CACNA2D3: variants seen among roughly 807,000 people sequenced by gnomAD.
The protein encoded by CACNA2D3 is calcium voltage-gated channel auxiliary subunit alpha2delta 3.
A neutral mutation model predicts 160.6 loss-of-function variants in CACNA2D3; 60 were observed. The ratio of observed to expected loss-of-function variants is 0.37; its 90% CI spans 0.30 to 0.46. The LOEUF (loss-of-function observed/expected upper bound fraction) is 0.46, where lower values mean the gene tolerates loss of function less well. Among genes scored for constraint, CACNA2D3 ranks in the 20% least tolerant of loss-of-function variants. The pLI, the probability that CACNA2D3 is intolerant of heterozygous loss-of-function variation, is 1.00. For synonymous variants in CACNA2D3, 558 were observed against 492.9 expected, an observed-to-expected ratio of 1.13 and a Z score of -1.75; for missense variants, 1,205 against 1,365.0, an observed-to-expected ratio of 0.88 and a Z score of 1.85.
chr3:54,910,121 C>T (rs1345496789), intron 27 of CACNA2D3, among the ~76,000 whole-genome samples: 1 of 152,160 alleles, frequency 6.6e-6, no homozygotes, highest in Non-Finnish European at 1.5e-5. Context: ...GCCTGAATGT[C>T]ATGGTCACCT....
intron 2 of CACNA2D3, among the ~76,000 whole-genome samples, chr3:54,130,870 G>C (rs1209495613): frequency 6.6e-6 from 1 of 152,212 alleles, no homozygotes; most frequent in Non-Finnish European, 1.5e-5. Context: ...CATAGCCTTG[G>C]AGTCAGATGG....
chr3:54,684,887 A>T (rs1022555714), intron 11 of CACNA2D3, among the ~76,000 whole-genome samples: 2 of 152,102 alleles, frequency 1.3e-5, no homozygotes, highest in Non-Finnish European at 2.9e-5. Flanking sequence ...AGGGTCTACA[A>T]AGTCGCCTCC....
intron 11 of CACNA2D3, among the ~76,000 whole-genome samples, chr3:54,644,041 G>A (rs1397124404): frequency 6.6e-6 from 1 of 152,106 alleles, no homozygotes; most frequent in African/African-American, 2.4e-5. Context: ...TGTATCACAT[G>A]AATCTTTCCC....
At chr3:54,223,715 G>A (rs1228202194) in intron 2 of CACNA2D3, among the ~76,000 whole-genome samples, 5 of 152,026 alleles carry the variant, frequency 3.3e-5, no homozygotes, top group Admixed American at 6.6e-5. Flanking sequence ...TTTGTGGGGC[G>A]TAGTGGCACG....
intron 13 of CACNA2D3, among the ~76,000 whole-genome samples, chr3:54,813,720 T>A (rs1413144776): frequency 6.6e-6 from 1 of 152,082 alleles, no homozygotes; most frequent in Non-Finnish European, 1.5e-5. Flanking sequence ...CTCATGGAGT[T>A]TGTGACCTAG....
chr3:54,735,352 C>T (rs918281592), intron 11 of CACNA2D3, among the ~76,000 whole-genome samples: 2 of 152,176 alleles, frequency 1.3e-5, no homozygotes, highest in African/African-American at 2.4e-5. Context: ...AGCATTTACA[C>T]ATCACATTGA....
In CACNA2D3 at chr3:54,783,554, C is replaced by T. The variant is rs192046115; in HGVS notation, c.1380+19203C>T. 5.7e-4 allele frequency among the ~76,000 whole-genome samples: 86 copies of T among 151,970 alleles called. No individual in the cohort carries two copies. In the East Asian group the frequency reaches 9.7e-3, roughly 17 times the overall value. ...CCGGGAGGTGGAGGTTGCAGTGAGC[C>T]GAGATCGTGCCACTGCACTCCAGCC... is the stretch of plus-strand genomic sequence containing the variant. On this transcript the variant is annotated intron_variant, in intron 13 of 37. Transcript: ENST00000474759.
chr3:54,856,773 T>G, intron 17 of CACNA2D3, among the ~76,000 whole-genome samples: 1 of 152,156 alleles, frequency 6.6e-6, no homozygotes, highest in South Asian at 2.1e-4. Context: ...GATGATGGTT[T>G]TTTCGTTTGT....
At chr3:54,178,048 A>G (rs1295350022) in intron 2 of CACNA2D3, 1 of 152,086 alleles carries the variant, frequency 6.6e-6, no homozygotes. Context: ...TCCAGTTTCC[A>G]TAGAGATGGA....
chr3:54,318,693 C>CTTT lies in CACNA2D3; in HGVS notation c.205-1734_205-1732dup, dbSNP rs376114168. Among the ~76,000 whole-genome samples, 35 of 129,758 alleles carry CTTT rather than the reference C, an allele frequency of 2.7e-4. 1 individual carries two copies. The highest frequency in any genetic ancestry group is 1.3e-3 in the Admixed American group (16 of 12,468). The allele number at this position is 129,758 out of a possible 152,430, so 85.1% of individuals were successfully genotyped here. A position where few individuals can be genotyped will look rare whatever the true frequency, so the allele number is the denominator to read the frequency against. ...CTGCCTGTAAGGGTAAGAGGAGTAT[C>CTTT]TTTTTTTTTTTTTTTTTCTGAGACA... On this transcript the variant is annotated intron_variant, in intron 2 of 37. Coordinates refer to ENST00000474759, the MANE Select transcript of CACNA2D3 (RefSeq NM_018398.3).
intron 11 of CACNA2D3, 91 bp downstream of exon 11, chr3:54,642,332 G>C (rs1314145433): frequency 3.1e-6 from 2 of 635,458 alleles, no homozygotes; most frequent in Non-Finnish European, 5.2e-6. Flanking sequence ...GCCTCATGTA[G>C]ACTTAATCTC....
intron 27 of CACNA2D3, among the ~76,000 whole-genome samples, chr3:54,930,357 C>T (rs952592170): frequency 6.6e-6 from 1 of 152,186 alleles, no homozygotes; most frequent in Non-Finnish European, 1.5e-5. Context: ...AGAACCTTGT[C>T]ATTCTGGTCA....
At chr3:54,961,158 C>T (rs943907944) in intron 27 of CACNA2D3, among the ~76,000 whole-genome samples, 1 of 152,216 alleles carries the variant, frequency 6.6e-6, no homozygotes, top group African/African-American at 2.4e-5. Flanking sequence ...CCAAACATGC[C>T]AGGCCTTGTT....
At chr3:54,650,527 C>T (rs1354699125) in intron 11 of CACNA2D3, among the ~76,000 whole-genome samples, 1 of 152,162 alleles carries the variant, frequency 6.6e-6, no homozygotes, top group African/African-American at 2.4e-5. Flanking sequence ...CCACACCCAG[C>T]TAATTTTTAT....
chr3:54,768,651 C>A (rs55740073), intron 13 of CACNA2D3, among the ~76,000 whole-genome samples: 2,637 of 152,268 alleles, frequency 0.017, 37 homozygotes, highest in Non-Finnish European at 0.029. Context: ...ATTTTACATT[C>A]TGTGCCATAA....
At chr3:54,452,778 G>A (rs1264480111) in intron 4 of CACNA2D3, among the ~76,000 whole-genome samples, 6 of 152,038 alleles carry the variant, frequency 3.9e-5, no homozygotes, top group African/African-American at 1.4e-4. Flanking sequence ...ATGTCAGCAG[G>A]GCGATGCTCC....
chr3:54,284,285 TTAAATTAAA>T (rs974382507), intron 2 of CACNA2D3, among the ~76,000 whole-genome samples: 16 of 151,284 alleles, frequency 1.1e-4, no homozygotes, highest in South Asian at 2.1e-4. Context: ...AAAAATAAAA[TTAAATTAAA>T]AAAATTAAAA....
chr3:54,289,155 G>A (rs1435829598), intron 2 of CACNA2D3, among the ~76,000 whole-genome samples: 18 of 152,184 alleles, frequency 1.2e-4, no homozygotes, highest in African/African-American at 3.9e-4. Context: ...TATCTAGAAA[G>A]CCCCATCATC....
intron 35 of CACNA2D3, among the ~76,000 whole-genome samples, chr3:55,035,224 T>C (rs112646106): frequency 0.011 from 1,689 of 152,312 alleles, 27 homozygotes; most frequent in African/African-American, 0.038. Flanking sequence ...TTTAATGCTT[T>C]TGTTAGTAAT....
Sources: gnomAD v4.1 joint callset for allele counts (sites outside exome capture counted in the v4.1 genomes callset) on GRCh38, gnomAD v4.1.1 for gene constraint, MANE v1.5 for transcripts, NCBI Gene and HGNC (gene_info 2026-07-23, HGNC 2026-07-21) for gene names.